The following ZNF385B variants were observed in gnomAD, a reference collection of about 807,000 sequenced individuals.
ZNF385B encodes zinc finger protein 533.
ZNF385B carries 23 observed loss-of-function variants against 39.2 expected under a neutral mutation model. That is an observed-to-expected ratio of 0.59 (90% CI 0.42 to 0.83). The LOEUF (loss-of-function observed/expected upper bound fraction) is 0.83, where lower values mean the gene tolerates loss of function less well. Among genes scored for constraint, ZNF385B ranks in the 40% least tolerant of loss-of-function variants. The pLI is 0.00. For synonymous variants in ZNF385B, 205 were observed against 222.6 expected, an observed-to-expected ratio of 0.92 and a Z score of 0.70; for missense variants, 552 against 598.9, an observed-to-expected ratio of 0.92 and a Z score of 0.82.
chr2:179,811,108 GTAAAAGATTTTCATAGTGA>G (rs1304306716), intron 1 of ZNF385B, among the ~76,000 whole-genome samples: 1 of 152,106 alleles, frequency 6.6e-6, no homozygotes, highest in Non-Finnish European at 1.5e-5. Flanking sequence ...AACCAAGGAT[GTAAAAGATTTTCATAGTGA>G]TAACTTCAAA....
chr2:179,830,629 C>T (rs1178188474), intron 1 of ZNF385B, among the ~76,000 whole-genome samples: 3 of 152,144 alleles, frequency 2.0e-5, no homozygotes, highest in African/African-American at 7.2e-5. Context: ...GCTATGCACT[C>T]TATGATTCAA....
chr2:179,854,826 T>C (rs1180195093), intron 1 of ZNF385B, among the ~76,000 whole-genome samples: 2 of 152,238 alleles, frequency 1.3e-5, no homozygotes, highest in Non-Finnish European at 2.9e-5. Flanking sequence ...AATTGTGTTA[T>C]TAAAAAAGTA....
chr2:179,761,773 T>C (rs949180673), intron 3 of ZNF385B, among the ~76,000 whole-genome samples: 1 of 149,544 alleles, frequency 6.7e-6, no homozygotes, highest in African/African-American at 2.4e-5. Flanking sequence ...TTTTTTTTTT[T>C]TTTTTTTTGC....
intron 1 of ZNF385B, among the ~76,000 whole-genome samples, chr2:179,851,484 T>C (rs1013116929): frequency 6.6e-6 from 1 of 152,150 alleles, no homozygotes; most frequent in Non-Finnish European, 1.5e-5. Context: ...CTGACATCTA[T>C]GAGGGCTGAA....
intron 3 of ZNF385B, among the ~76,000 whole-genome samples, chr2:179,582,732 A>G (rs1024479129): frequency 2.0e-5 from 3 of 152,256 alleles, no homozygotes; most frequent in Non-Finnish European, 4.4e-5. Context: ...TTTTAAATTT[A>G]TAGAAAAATT....
chr2:179,456,838 A>C (rs568006131), intron 6 of ZNF385B, among the ~76,000 whole-genome samples: 1 of 152,320 alleles, frequency 6.6e-6, no homozygotes, highest in Non-Finnish European at 1.5e-5. Flanking sequence ...TATAGTCATT[A>C]TCTAATTTAT....
chr2:179,473,445 GGC>G (rs2053034256), intron 6 of ZNF385B, among the ~76,000 whole-genome samples: 2 of 152,156 alleles, frequency 1.3e-5, no homozygotes, highest in African/African-American at 4.8e-5. Flanking sequence ...TGGCATGACA[GGC>G]ATTGAGCCAG....
intron 3 of ZNF385B, among the ~76,000 whole-genome samples, chr2:179,725,926 ATATATATG>A (rs1210167148): frequency 0.014 from 1,980 of 146,014 alleles, 38 homozygotes; most frequent in African/African-American, 0.047. Context: ...ATATATATAT[ATATATATG>A]TGTATATACA....
chr2:179,519,393 C>T (rs1433593747), intron 4 of ZNF385B, among the ~76,000 whole-genome samples: 3 of 152,196 alleles, frequency 2.0e-5, no homozygotes, highest in Non-Finnish European at 4.4e-5. Flanking sequence ...GAACTGTACA[C>T]TTAAATGCCT....
intron 3 of ZNF385B, among the ~76,000 whole-genome samples, chr2:179,583,234 G>A (rs1434983610): frequency 6.6e-6 from 1 of 152,062 alleles, no homozygotes; most frequent in African/African-American, 2.4e-5. Flanking sequence ...GCTAAAAAGG[G>A]CTGGGATTTC....
At chr2:179,686,138 T>C (rs77649128) in intron 3 of ZNF385B, among the ~76,000 whole-genome samples, 6,408 of 152,336 alleles carry the variant, frequency 0.042, 180 homozygotes, top group Middle Eastern at 0.058. Flanking sequence ...TCCATTTATA[T>C]AAACATATTT....
intron 3 of ZNF385B, among the ~76,000 whole-genome samples, chr2:179,695,500 T>C (rs576012510): frequency 7.9e-5 from 12 of 151,850 alleles, no homozygotes; most frequent in Admixed American, 2.0e-4. Flanking sequence ...AACTCAAGAA[T>C]AAAAAAACCA....
chr2:179,481,597 A>G (rs1444953387), intron 6 of ZNF385B, among the ~76,000 whole-genome samples: 2 of 152,188 alleles, frequency 1.3e-5, no homozygotes, highest in Non-Finnish European at 2.9e-5. Context: ...TTCACTCAGT[A>G]GCAACGTTGT....
At chr2:179,605,006 G>A (rs73041222) in intron 3 of ZNF385B, among the ~76,000 whole-genome samples, 2,286 of 151,966 alleles carry the variant, frequency 0.015, 61 homozygotes, top group African/African-American at 0.052. Context: ...TTTGTTTCTG[G>A]CTCCTTATTT....
rs371925049 is a variant in ZNF385B at position 179,554,164 on chromosome 2, C to G, written c.299-9195G>C. 2.1e-3 allele frequency among the ~76,000 whole-genome samples: 320 copies of G among 149,286 alleles called. 43 individuals are homozygous for G. The highest frequency in any genetic ancestry group is 7.8e-3 in the African/African-American group (308 of 39,692). Reference sequence around the variant, plus strand: ...GTATAAGCTTCAGTTACTGTGGTTACTAACTACTCCTAATCCTTGACACTA... The same window carrying G: ...GTATAAGCTTCAGTTACTGTGGTTAGTAACTACTCCTAATCCTTGACACTA... On this transcript the variant is annotated intron_variant, in intron 3 of 9. Transcript: ENST00000410066.
intron 6 of ZNF385B, among the ~76,000 whole-genome samples, chr2:179,451,494 T>A (rs2050153010): frequency 6.6e-6 from 1 of 152,108 alleles, no homozygotes; most frequent in Non-Finnish European, 1.5e-5. Context: ...GCAGACACTT[T>A]CCTTTTAAAA....
Position 179,791,169 on chromosome 2 carries a change from C to T in ZNF385B, c.-154-20497G>A, listed in dbSNP as rs112985852. ...ATCACTTCTCTTGCCAGGATGATTC[C>T]GATCTACATGAACATTTTTCCTTTT... On this transcript the variant is annotated intron_variant, in intron 1 of 9. Coordinates refer to ENST00000410066, the MANE Select transcript of ZNF385B (RefSeq NM_152520.6). Among the ~76,000 whole-genome samples, 732 of 152,218 alleles carry T rather than the reference C, an allele frequency of 4.8e-3. 4 individuals are homozygous for T. Among genetic ancestry groups the T allele is most frequent in the African/African-American group, 0.016 (664 of 41,516 alleles).
chr2:179,469,241 T>C (rs941762236), intron 6 of ZNF385B, among the ~76,000 whole-genome samples: 1 of 152,210 alleles, frequency 6.6e-6, no homozygotes, highest in African/African-American at 2.4e-5. Flanking sequence ...AGAAGAAGAA[T>C]TGTCTTGGGC....
intron 3 of ZNF385B, among the ~76,000 whole-genome samples, chr2:179,653,995 G>C (rs991770270): frequency 1.3e-5 from 2 of 152,190 alleles, no homozygotes; most frequent in Non-Finnish European, 2.9e-5. Flanking sequence ...AATAGAGAAG[G>C]GTTATGGGTC....
Sources: gnomAD v4.1 joint callset for allele counts (sites outside exome capture counted in the v4.1 genomes callset) on GRCh38, gnomAD v4.1.1 for gene constraint, MANE v1.5 for transcripts, NCBI Gene and HGNC (gene_info 2026-07-23, HGNC 2026-07-21) for gene names.